SEPTIN7: variants seen among roughly 807,000 people sequenced by gnomAD.
The protein encoded by SEPTIN7 is septin-7.
A neutral mutation model predicts 63.3 loss-of-function variants in SEPTIN7; 10 were observed. That is an observed-to-expected ratio of 0.16 (90% CI 0.10 to 0.27). The LOEUF is 0.27. SEPTIN7 is among the 10% of genes least tolerant of loss of function. The pLI, the probability that SEPTIN7 is intolerant of heterozygous loss-of-function variation, is 1.00. For missense variants in SEPTIN7, 310 were observed against 521.0 expected (o/e 0.59, Z 3.94); for synonymous variants, 131 against 165.3 (o/e 0.79, Z 1.59).
intron 8 of SEPTIN7, among the ~76,000 whole-genome samples, chr7:35,883,290 G>A (rs919322821): frequency 2.0e-5 from 3 of 152,058 alleles, no homozygotes; most frequent in Non-Finnish European, 4.4e-5. Flanking sequence ...ACTGAATAAT[G>A]GCATTATGTA....
intron 3 of SEPTIN7, among the ~76,000 whole-genome samples, chr7:35,838,188 T>C (rs1265157214): frequency 2.6e-5 from 4 of 152,098 alleles, no homozygotes; most frequent in Non-Finnish European, 5.9e-5. Flanking sequence ...TTTTCCAGAA[T>C]TTTTTGTGTG....
chr7:35,881,469 C>T (rs966498846), intron 7 of SEPTIN7, among the ~76,000 whole-genome samples: 1 of 151,060 alleles, frequency 6.6e-6, no homozygotes, highest in Admixed American at 6.6e-5. Flanking sequence ...TTTTTCTCGT[C>T]ATCATGTATT....
rs926044992 is a variant in SEPTIN7, at chr7:35,833,454, A to G, written c.169+554A>G. On this transcript the variant is annotated intron_variant, in intron 3 of 13. Transcript: ENST00000350320. ...ATTCCATGAACACATTACCCTGCCT[A>G]TAGTCCATTTGAAAATACTGTTAAG... Among the ~76,000 whole-genome samples, 8 of 151,984 alleles carry G rather than the reference A, an allele frequency of 5.3e-5. No individual in the cohort carries two copies. The East Asian group carries it at 9.6e-4, about 18-fold the overall frequency.
intron 7 of SEPTIN7, among the ~76,000 whole-genome samples, chr7:35,880,330 C>T (rs1267338519): frequency 6.7e-6 from 1 of 149,338 alleles, no homozygotes. Flanking sequence ...TCTCCCCACT[C>T]CCCATTTTGT....
chr7:35,903,289 A>C, intron 13 of SEPTIN7, 74 bp downstream of exon 13: 1 of 1,446,204 alleles, frequency 6.9e-7, no homozygotes, highest in Non-Finnish European at 9.1e-7. Context: ...TATTTAAAAA[A>C]CATTAGAATA....
intron 3 of SEPTIN7, among the ~76,000 whole-genome samples, chr7:35,834,579 G>A (rs1002836383): frequency 1.3e-5 from 2 of 152,046 alleles, no homozygotes; most frequent in African/African-American, 4.8e-5. Context: ...ACTTTCAAGT[G>A]TTAATATCCT....
intron 11 of SEPTIN7, among the ~76,000 whole-genome samples, chr7:35,896,054 C>T (rs1168696693): frequency 3.9e-5 from 6 of 152,168 alleles, no homozygotes; most frequent in Admixed American, 2.0e-4. Flanking sequence ...TGTGATCTGC[C>T]TGCCTTGGCC....
intron 12 of SEPTIN7, chr7:35,901,444 A>T (rs1583656053): frequency 6.6e-6 from 1 of 152,220 alleles, no homozygotes; most frequent in Admixed American, 6.5e-5. Flanking sequence ...GTGTTTGATT[A>T]TACTTGTTGC....
intron 3 of SEPTIN7, among the ~76,000 whole-genome samples, chr7:35,842,705 T>G (rs900609176): frequency 6.6e-6 from 1 of 152,236 alleles, no homozygotes; most frequent in African/African-American, 2.4e-5. Flanking sequence ...ATTACTGTGC[T>G]GAAAATAATG....
intron 1 of SEPTIN7, among the ~76,000 whole-genome samples, chr7:35,820,708 C>T (rs574908733): frequency 3.6e-4 from 55 of 152,220 alleles, no homozygotes; most frequent in African/African-American, 1.2e-3. Context: ...TGGGCTTTCT[C>T]AGGGACTGTT....
chr7:35,851,291 TTA>T (rs1336448377), intron 3 of SEPTIN7, among the ~76,000 whole-genome samples: 2 of 152,126 alleles, frequency 1.3e-5, no homozygotes, highest in Non-Finnish European at 2.9e-5. Flanking sequence ...ATTGTAAATA[TTA>T]TGTTTTGTTT....
At chr7:35,871,636 C>A (rs1030980795) in intron 4 of SEPTIN7, among the ~76,000 whole-genome samples, 1 of 152,168 alleles carries the variant, frequency 6.6e-6, no homozygotes, top group African/African-American at 2.4e-5. Context: ...TCTCTTCATG[C>A]ATCAGGTAGC....
intron 3 of SEPTIN7, among the ~76,000 whole-genome samples, chr7:35,839,905 T>C (rs1784323176): frequency 1.3e-5 from 2 of 152,216 alleles, no homozygotes; most frequent in East Asian, 3.9e-4. Flanking sequence ...CCCCTACCCT[T>C]GTTACAAATA....
At chr7:35,802,895 TAA>T (rs1360321447) in intron 1 of SEPTIN7, among the ~76,000 whole-genome samples, 1 of 152,136 alleles carries the variant, frequency 6.6e-6, no homozygotes, top group Non-Finnish European at 1.5e-5. Context: ...CTAAAGGAGA[TAA>T]GAGTTGAGTG....
At chr7:35,875,802 A>T (rs1786441661) in intron 6 of SEPTIN7, among the ~76,000 whole-genome samples, 1 of 152,110 alleles carries the variant, frequency 6.6e-6, no homozygotes, top group African/African-American at 2.4e-5. Context: ...TACAAAAAAA[A>T]TTTGTCATTT....
chr7:35,802,958 T>C (rs1238112782), intron 1 of SEPTIN7, among the ~76,000 whole-genome samples: 1 of 152,208 alleles, frequency 6.6e-6, no homozygotes, highest in Non-Finnish European at 1.5e-5. Context: ...ATGGTAGCAT[T>C]GTCTTATTCT....
At chr7:35,861,614 A>G (rs985089840) in intron 3 of SEPTIN7, among the ~76,000 whole-genome samples, 1 of 152,108 alleles carries the variant, frequency 6.6e-6, no homozygotes, top group Non-Finnish European at 1.5e-5. Flanking sequence ...TCACCTGGAT[A>G]CTCAGATGGT....
chr7:35,889,567 C>T (rs138288487), intron 10 of SEPTIN7, among the ~76,000 whole-genome samples: 112 of 152,002 alleles, frequency 7.4e-4, no homozygotes, highest in African/African-American at 2.0e-3. Context: ...CTTTTTAAGA[C>T]GGTCTCTTGC....
At chr7:35,829,416 A>G (rs1783708818) in intron 1 of SEPTIN7, among the ~76,000 whole-genome samples, 1 of 152,116 alleles carries the variant, frequency 6.6e-6, no homozygotes, top group Non-Finnish European at 1.5e-5. Context: ...ACTCTTGGAA[A>G]TACCAAGTTC....
Sources: gnomAD v4.1 joint callset for allele counts (sites outside exome capture counted in the v4.1 genomes callset) on GRCh38, gnomAD v4.1.1 for gene constraint, MANE v1.5 for transcripts, NCBI Gene and HGNC (gene_info 2026-07-23, HGNC 2026-07-21) for gene names.